The following PKHD1 variants were observed in gnomAD, a reference collection of about 807,000 sequenced individuals.
PKHD1 encodes the protein fibrocystin.
PKHD1 carries 291 observed loss-of-function variants against 412.0 expected under a neutral mutation model. The observed-to-expected ratio is 0.71, with a 90% CI of 0.64 to 0.78. PKHD1 has a LOEUF of 0.78. PKHD1 is among the 30% of genes least tolerant of loss of function. The pLI is 0.00. For missense variants in PKHD1, 4,825 were observed against 4,950.7 expected, an observed-to-expected ratio of 0.97 and a Z score of 0.76; for synonymous variants, 1,777 against 1,821.5, an observed-to-expected ratio of 0.98 and a Z score of 0.62.
At chr6:51,766,690 CT>C (rs889942242) in intron 55 of PKHD1, among the ~76,000 whole-genome samples, 20 of 148,216 alleles carry the variant, frequency 1.3e-4, no homozygotes, top group Non-Finnish European at 2.4e-4. Context: ...CAAATATTTT[CT>C]TTTTTTTTAA....
At chr6:51,988,809 G>C (rs1000582566) in intron 35 of PKHD1, among the ~76,000 whole-genome samples, 1 of 152,110 alleles carries the variant, frequency 6.6e-6, no homozygotes, top group Non-Finnish European at 1.5e-5. Flanking sequence ...GCGTTGTTAG[G>C]GACTAGGACC....
chr6:51,983,665 G>A (rs893815810), intron 35 of PKHD1, among the ~76,000 whole-genome samples: 2 of 152,212 alleles, frequency 1.3e-5, no homozygotes, highest in Non-Finnish European at 2.9e-5. Context: ...ATGTTAAATG[G>A]TCATCTTTCT....
At chr6:51,650,842 C>T (rs1053561971) in intron 61 of PKHD1, among the ~76,000 whole-genome samples, 1 of 152,160 alleles carries the variant, frequency 6.6e-6, no homozygotes, top group East Asian at 1.9e-4. Context: ...TTTGTTTAGC[C>T]TGAGTGGCTA....
chr6:52,033,065 A>G lies in PKHD1; in HGVS notation c.3329T>C (p.Ile1110Thr), dbSNP rs772369540. Residue 1110 changes from isoleucine to threonine, a missense_variant, in exon 29 of 67, where the codon ATT becomes ACT. Physicochemically the swap from Ile to Thr is moderately conservative, Grantham distance 89. Coordinates refer to ENST00000371117, the MANE Select transcript of PKHD1 (RefSeq NM_138694.4). ...GCTTATGTTTCTGCTCAGAGTCACA[A>G]TAACTGGATTTAAGGAAGAGACATA... is the stretch of plus-strand genomic sequence containing the variant. ...FTYVSSLNPV[I>T]VTLSRNISNI... 3.7e-6 allele frequency: 6 copies of G among 1,612,428 alleles called. No homozygotes were observed. The Admixed American group carries it at 8.3e-5, about 22-fold the overall frequency.
intron 28 of PKHD1, among the ~76,000 whole-genome samples, chr6:52,033,761 A>C (rs1187462994): frequency 6.6e-6 from 1 of 152,186 alleles, no homozygotes; most frequent in Non-Finnish European, 1.5e-5. Flanking sequence ...ACAGGAGAAC[A>C]GAGATAGCTT....
chr6:51,733,270 G>C (rs1783439896), intron 60 of PKHD1, among the ~76,000 whole-genome samples: 1 of 152,178 alleles, frequency 6.6e-6, no homozygotes, highest in Non-Finnish European at 1.5e-5. Context: ...GCCAGGCACA[G>C]TGACTCACAC....
At chr6:51,783,219 G>T (rs2151204845) in intron 53 of PKHD1, among the ~76,000 whole-genome samples, 1 of 152,152 alleles carries the variant, frequency 6.6e-6, no homozygotes, top group South Asian at 2.1e-4. Context: ...AAGAAACAAT[G>T]AACTGCTGTG....
intron 54 of PKHD1, among the ~76,000 whole-genome samples, chr6:51,773,612 T>C (rs1790512812): frequency 6.6e-6 from 1 of 151,630 alleles, no homozygotes; most frequent in South Asian, 2.1e-4. Flanking sequence ...TCTAATATTT[T>C]ATTCCTGCAC....
chr6:51,815,517 T>A (rs1765314348), intron 52 of PKHD1, among the ~76,000 whole-genome samples: 1 of 151,980 alleles, frequency 6.6e-6, no homozygotes, highest in Non-Finnish European at 1.5e-5. Flanking sequence ...TTACAGGTAG[T>A]AAGAAGAGCA....
chr6:51,874,184 G>A (rs2180719), intron 46 of PKHD1, among the ~76,000 whole-genome samples: 61,213 of 152,040 alleles, frequency 0.4, 13,531 homozygotes, highest in East Asian at 0.85. Context: ...TTTTAAAGTA[G>A]CATCATCTGC....
chr6:51,668,033 T>C (rs1774156289), intron 60 of PKHD1, among the ~76,000 whole-genome samples: 1 of 152,136 alleles, frequency 6.6e-6, no homozygotes, highest in African/African-American at 2.4e-5. Context: ...ATGCAGGCTC[T>C]TTTTTGGTTC....
chr6:51,898,083 C>T (rs1331627663), intron 43 of PKHD1, among the ~76,000 whole-genome samples: 2 of 150,894 alleles, frequency 1.3e-5, no homozygotes, highest in South Asian at 2.1e-4. Flanking sequence ...TAACACCCCA[C>T]TGTCAACATT....
At chr6:51,694,466 C>T (rs1296639852) in intron 60 of PKHD1, among the ~76,000 whole-genome samples, 2 of 151,140 alleles carry the variant, frequency 1.3e-5, no homozygotes, top group Non-Finnish European at 2.9e-5. Flanking sequence ...TCACTGCAAC[C>T]TCTCCCTCCC....
intron 50 of PKHD1, among the ~76,000 whole-genome samples, chr6:51,845,851 C>T (rs788511): frequency 0.94 from 143,348 of 152,282 alleles, 67,547 homozygotes; most frequent in East Asian, 1. Flanking sequence ...GTTTTTATTA[C>T]GTTTAGTTTA....
intron 35 of PKHD1, among the ~76,000 whole-genome samples, chr6:51,964,634 T>G (rs368363812): frequency 6.6e-6 from 1 of 152,162 alleles, no homozygotes; most frequent in South Asian, 2.1e-4. Flanking sequence ...AAAAATATGT[T>G]TGAATGAATA....
rs760766190 is a variant in PKHD1 at position 52,058,415 on chromosome 6, G to T, written c.1420C>A (p.His474Asn). The change falls in exon 16 of 67, where the codon CAC becomes AAC. Residue 474 changes from histidine (H) to asparagine (N), a missense_variant. Transcript: ENST00000371117. ...SRGMRIGVQI[H>N]NTWLNPDVVT... The stretch of plus-strand genomic sequence containing the variant: ...ACATCAGGATTCAGCCAGGTGTTGT[G>T]AATCTGGACACCAATCCTCATCCCC... 39 of 1,614,018 alleles carry T rather than the reference G, an allele frequency of 2.4e-5. No homozygotes were observed. The highest frequency in any genetic ancestry group is 3.0e-5 in the Non-Finnish European group (35 of 1,180,016).
intron 49 of PKHD1, among the ~76,000 whole-genome samples, chr6:51,855,652 G>T (rs1170155325): frequency 6.6e-6 from 1 of 152,114 alleles, no homozygotes; most frequent in Non-Finnish European, 1.5e-5. Flanking sequence ...TAACCATTCT[G>T]CATTCACAAT....
chr6:51,626,215 C>T (rs1434281608), intron 66 of PKHD1, among the ~76,000 whole-genome samples: 1 of 152,114 alleles, frequency 6.6e-6, no homozygotes, highest in African/African-American at 2.4e-5. Context: ...AACACGCATT[C>T]AGAACCACTA....
intron 35 of PKHD1, among the ~76,000 whole-genome samples, chr6:52,003,306 G>A (rs775866807): frequency 8.5e-5 from 13 of 152,254 alleles, no homozygotes; most frequent in Non-Finnish European, 1.8e-4. Flanking sequence ...AGAAACCTGT[G>A]GAGTCTTGGT....
Sources: gnomAD v4.1 joint callset for allele counts (sites outside exome capture counted in the v4.1 genomes callset) on GRCh38, gnomAD v4.1.1 for gene constraint, MANE v1.5 for transcripts, NCBI Gene and HGNC (gene_info 2026-07-23, HGNC 2026-07-21) for gene names.